The following PTPRD variants were observed in gnomAD, a reference collection of about 807,000 sequenced individuals.
The protein encoded by PTPRD is protein tyrosine phosphatase receptor type D, also known as receptor-type tyrosine-protein phosphatase delta.
A neutral mutation model predicts 214.5 loss-of-function variants in PTPRD; 34 were observed. The observed-to-expected ratio is 0.16, with a 90% CI of 0.12 to 0.21. The LOEUF is 0.21. Ranked by LOEUF, PTPRD falls within the 10% of genes least tolerant of loss-of-function variation. PTPRD has a pLI of 1.00. For missense variants in PTPRD, 2,545 were observed against 2,398.7 expected (o/e 1.06, Z -1.27); for synonymous variants, 1,128 against 845.7 (o/e 1.33, Z -5.79).
chr9:9,053,835 A>C (rs975288889), intron 10 of PTPRD, among the ~76,000 whole-genome samples: 3 of 152,194 alleles, frequency 2.0e-5, no homozygotes, highest in Non-Finnish European at 4.4e-5. Context: ...AGTAATTCTA[A>C]TGCACTTATG....
rs182388788 is a variant in PTPRD at position 8,455,082 on chromosome 9, T to C, written c.3876-5245A>G. ...TTTCATGATATAAAATATCTGCAAA[T>C]TGTATTGAACTATACAGAAATTTGC... On this transcript the variant is annotated intron_variant, in intron 33 of 45. Transcript: ENST00000381196. 2.8e-3 allele frequency among the ~76,000 whole-genome samples: 433 copies of C among 152,324 alleles called. 2 individuals are homozygous for C. Among genetic ancestry groups the C allele is most frequent in the African/African-American group, 0.01 (425 of 41,576 alleles).
chr9:9,344,914 T>C (rs1379629877), intron 9 of PTPRD, among the ~76,000 whole-genome samples: 1 of 152,138 alleles, frequency 6.6e-6, no homozygotes, highest in Non-Finnish European at 1.5e-5. Context: ...CAGGAATTAA[T>C]TAGAAAGCCA....
chr9:8,901,489 T>G (rs2098668381), intron 11 of PTPRD, among the ~76,000 whole-genome samples: 1 of 152,228 alleles, frequency 6.6e-6, no homozygotes, highest in Admixed American at 6.5e-5. Flanking sequence ...CAGCATGCGA[T>G]AAGTAGGGCA....
intron 4 of PTPRD, among the ~76,000 whole-genome samples, chr9:9,998,364 T>C (rs1306056093): frequency 6.6e-6 from 1 of 151,392 alleles, no homozygotes; most frequent in African/African-American, 2.4e-5. Context: ...CAGGTGATTC[T>C]GGAAATTGAA....
chr9:9,289,372 A>C (rs1265932490), intron 9 of PTPRD, among the ~76,000 whole-genome samples: 1 of 151,898 alleles, frequency 6.6e-6, no homozygotes, highest in Non-Finnish European at 1.5e-5. Context: ...ACAAATCAAA[A>C]TTATATGTAT....
At chr9:9,075,053 A>C (rs1219775458) in intron 10 of PTPRD, among the ~76,000 whole-genome samples, 2 of 152,100 alleles carry the variant, frequency 1.3e-5, no homozygotes, top group Non-Finnish European at 2.9e-5. Context: ...GAAAACAAAA[A>C]TTCCCTACAA....
chr9:8,521,614 A>G (rs2138932866), intron 19 of PTPRD, 68 bp from the exon 20 acceptor site: 1 of 1,529,960 alleles, frequency 6.5e-7, no homozygotes, highest in Non-Finnish European at 8.9e-7. Flanking sequence ...TAAACACATG[A>G]CATGCACCGT....
intron 5 of PTPRD, among the ~76,000 whole-genome samples, chr9:9,790,504 T>C (rs970028128): frequency 2.0e-5 from 3 of 152,224 alleles, no homozygotes; most frequent in Non-Finnish European, 2.9e-5. Flanking sequence ...TTCAGTGGCT[T>C]TATCTCAAAT....
At chr9:9,447,744 A>G (rs1437593280) in intron 8 of PTPRD, among the ~76,000 whole-genome samples, 1 of 152,108 alleles carries the variant, frequency 6.6e-6, no homozygotes, top group South Asian at 2.1e-4. Flanking sequence ...TACAATTGCT[A>G]TGGGGTGCTA....
chr9:9,256,408 T>C (rs529501463), intron 9 of PTPRD, among the ~76,000 whole-genome samples: 65 of 152,042 alleles, frequency 4.3e-4, no homozygotes, highest in Non-Finnish European at 8.7e-4. Context: ...TACATTTTTT[T>C]TCTCTCTTTT....
In PTPRD at chr9:9,266,838, T is replaced by C. The variant is rs576947534; in HGVS notation, c.-202-83475A>G. 4.0e-5 allele frequency among the ~76,000 whole-genome samples: 6 copies of C among 150,236 alleles called. No homozygotes were observed. In the East Asian group the frequency reaches 9.9e-4, roughly 25 times the overall value. The stretch of plus-strand genomic sequence containing the variant: ...TAGGAGAAAAGCTTATGGAAGTAAA[T>C]GCCTAAATGGAGAAAAAAAAAATCT... On this transcript the variant is annotated intron_variant, in intron 9 of 45. Coordinates refer to ENST00000381196, the MANE Select transcript of PTPRD (RefSeq NM_002839.4).
At chr9:8,498,325 G>C (rs1392607203) in intron 25 of PTPRD, among the ~76,000 whole-genome samples, 6 of 152,016 alleles carry the variant, frequency 3.9e-5, no homozygotes, top group African/African-American at 1.4e-4. Context: ...TGCCAGGCTG[G>C]AGTGCAGTGG....
intron 11 of PTPRD, among the ~76,000 whole-genome samples, chr9:8,783,960 G>C (rs1247369723): frequency 6.6e-6 from 1 of 152,092 alleles, no homozygotes; most frequent in East Asian, 1.9e-4. Context: ...CTGCTGCTTT[G>C]GTAATTCACG....
chr9:9,579,199 A>G (rs1171648660), intron 7 of PTPRD, among the ~76,000 whole-genome samples: 1 of 152,132 alleles, frequency 6.6e-6, no homozygotes, highest in Non-Finnish European at 1.5e-5. Context: ...GTCTAATATC[A>G]TCTTAGTGGG....
chr9:9,571,254 A>G (rs2154300425), intron 8 of PTPRD, among the ~76,000 whole-genome samples: 1 of 151,532 alleles, frequency 6.6e-6, no homozygotes, highest in Non-Finnish European at 1.5e-5. Flanking sequence ...GACACAAAAT[A>G]AGTTGTGTTT....
At chr9:8,845,623 A>G (rs2097677131) in intron 11 of PTPRD, among the ~76,000 whole-genome samples, 1 of 152,228 alleles carries the variant, frequency 6.6e-6, no homozygotes, top group Non-Finnish European at 1.5e-5. Flanking sequence ...TACATCAAAA[A>G]CAAGATTAGA....
intron 8 of PTPRD, among the ~76,000 whole-genome samples, chr9:9,462,007 G>A (rs562056046): frequency 5.3e-4 from 80 of 152,078 alleles, no homozygotes; most frequent in Non-Finnish European, 9.1e-4. Context: ...TATTATAGTA[G>A]TTGCCATAAC....
At chr9:8,824,726 C>G (rs2097142054) in intron 11 of PTPRD, among the ~76,000 whole-genome samples, 1 of 152,096 alleles carries the variant, frequency 6.6e-6, no homozygotes, top group African/African-American at 2.4e-5. Flanking sequence ...CAGATTTTTA[C>G]ATTACTTATT....
At chr9:8,449,582 G>A (rs950063566) in intron 34 of PTPRD, 143 bp downstream of exon 34, 4 of 705,742 alleles carry the variant, frequency 5.7e-6, no homozygotes, top group African/African-American at 5.4e-5. Context: ...TTTTGCTTGG[G>A]CAAGTCTCCA....
Sources: gnomAD v4.1 joint callset for allele counts (sites outside exome capture counted in the v4.1 genomes callset) on GRCh38, gnomAD v4.1.1 for gene constraint, MANE v1.5 for transcripts, NCBI Gene and HGNC (gene_info 2026-07-23, HGNC 2026-07-21) for gene names.